KAZN: variants seen among roughly 807,000 people sequenced by gnomAD.
KAZN encodes kazrin.
A neutral mutation model predicts 87.4 loss-of-function variants in KAZN; 40 were observed. That is an observed-to-expected ratio of 0.46 (90% CI 0.36 to 0.60). The LOEUF is 0.60. Among genes scored for constraint, KAZN ranks in the 20% least tolerant of loss-of-function variants. The pLI, the probability that KAZN is intolerant of heterozygous loss-of-function variation, is 0.00. For missense variants in KAZN, 898 were observed against 1,073.9 expected (o/e 0.84, Z 2.29); for synonymous variants, 466 against 458.3 (o/e 1.02, Z -0.22).
intron 2 of KAZN, among the ~76,000 whole-genome samples, chr1:14,373,123 T>G (rs1660635671): frequency 6.6e-6 from 1 of 151,982 alleles, no homozygotes. Flanking sequence ...GAACAAGGAC[T>G]GTAAGAGGTA....
chr1:14,270,736 C>T lies in KAZN; in HGVS notation c.249+90144C>T, dbSNP rs576439607. Among the ~76,000 whole-genome samples the T allele has an allele frequency of 9.9e-5, 15 of 152,278 alleles. No individual in the cohort carries two copies. In the South Asian group the frequency reaches 3.1e-3, roughly 32 times the overall value. On this transcript the variant is annotated intron_variant, in intron 2 of 16. Coordinates refer to the KAZN transcript ENST00000636203. ...TTCAATGAGCTTATTAACTCACTCA[C>T]TCTCTACAGGGTTATTTTTCCTCCC... is the stretch of plus-strand genomic sequence containing the variant.
At chr1:14,693,222 A>T (rs926406467) in intron 1 of KAZN, among the ~76,000 whole-genome samples, 3 of 151,798 alleles carry the variant, frequency 2.0e-5, no homozygotes, top group Non-Finnish European at 2.9e-5. Context: ...CCTCCTTATC[A>T]CCTCCTTCGC....
intron 1 of KAZN, among the ~76,000 whole-genome samples, chr1:14,620,077 T>C (rs1678573416): frequency 6.6e-6 from 1 of 152,174 alleles, no homozygotes; most frequent in Non-Finnish European, 1.5e-5. Context: ...CAGTTACCCA[T>C]CTGTACAATA....
chr1:14,691,222 C>T (rs1186398881), intron 1 of KAZN, among the ~76,000 whole-genome samples: 8 of 152,078 alleles, frequency 5.3e-5, no homozygotes, highest in Admixed American at 5.2e-4. Flanking sequence ...GACTTTGCAT[C>T]TTATATTTAG....
chr1:15,078,128 T>C (rs1024223167), intron 8 of KAZN, among the ~76,000 whole-genome samples: 15 of 151,978 alleles, frequency 9.9e-5, no homozygotes, highest in African/African-American at 3.6e-4. Context: ...ACAAAATAAG[T>C]GATGTGCTGG....
intron 1 of KAZN, among the ~76,000 whole-genome samples, chr1:14,814,704 G>A (rs1028024678): frequency 2.0e-5 from 3 of 152,166 alleles, no homozygotes. Flanking sequence ...TGGGCTCCTG[G>A]TGCTTGTTAC....
chr1:14,650,460 G>T (rs1050217113), intron 1 of KAZN, among the ~76,000 whole-genome samples: 1 of 152,222 alleles, frequency 6.6e-6, no homozygotes, highest in African/African-American at 2.4e-5. Flanking sequence ...GGATGGCCTG[G>T]GCCCAGGAGT....
chr1:14,606,733 A>G (rs892915877), intron 1 of KAZN, among the ~76,000 whole-genome samples: 2 of 152,058 alleles, frequency 1.3e-5, no homozygotes, highest in African/African-American at 2.4e-5. Flanking sequence ...CCCCAGTACT[A>G]TTGACATGTG....
At chr1:15,017,119 A>T (rs564082565) in intron 2 of KAZN, among the ~76,000 whole-genome samples, 3 of 150,280 alleles carry the variant, frequency 2.0e-5, no homozygotes, top group Non-Finnish European at 4.4e-5. Context: ...CCAATATGGT[A>T]AAACCCTGTC....
intron 1 of KAZN, among the ~76,000 whole-genome samples, chr1:14,880,472 A>T (rs571247774): frequency 1.3e-5 from 2 of 152,182 alleles, no homozygotes; most frequent in African/African-American, 4.8e-5. Flanking sequence ...GAACATGCTC[A>T]TGGGTTTTGT....
intron 8 of KAZN, chr1:15,068,163 T>C (rs1639345126): frequency 1.2e-6 from 1 of 856,330 alleles, no homozygotes; most frequent in South Asian, 5.4e-5. Context: ...TCGAATTCTA[T>C]GTTATTTGAT....
intron 2 of KAZN, among the ~76,000 whole-genome samples, chr1:14,200,790 G>A (rs146604178): frequency 1.9e-3 from 294 of 151,490 alleles, no homozygotes; most frequent in Middle Eastern, 3.5e-3. Context: ...GATTCATATT[G>A]CAATCCTCTC....
At chr1:14,788,579 C>G (rs1428040007) in intron 1 of KAZN, among the ~76,000 whole-genome samples, 7 of 152,098 alleles carry the variant, frequency 4.6e-5, no homozygotes, top group Non-Finnish European at 8.8e-5. Flanking sequence ...CTACAGGCAC[C>G]TGTCTGCATG....
intron 1 of KAZN, among the ~76,000 whole-genome samples, chr1:14,607,095 G>A (rs1045460805): frequency 1.8e-4 from 28 of 152,178 alleles, no homozygotes; most frequent in African/African-American, 6.5e-4. Context: ...TAGATGGATG[G>A]ATGGGTGAAT....
chr1:14,483,073 A>G (rs1341889062), intron 2 of KAZN, among the ~76,000 whole-genome samples: 2 of 152,216 alleles, frequency 1.3e-5, no homozygotes, highest in East Asian at 3.8e-4. Context: ...GCTGACTGAC[A>G]CACACTGTAA....
intron 2 of KAZN, among the ~76,000 whole-genome samples, chr1:14,970,048 A>C (rs2101829853): frequency 6.6e-6 from 1 of 152,262 alleles, no homozygotes; most frequent in South Asian, 2.1e-4. Flanking sequence ...TCCTGACTTC[A>C]AGTGATTCAC....
intron 13 of KAZN, chr1:15,111,888 C>T (rs1170443143): frequency 6.5e-6 from 1 of 153,946 alleles, no homozygotes; most frequent in Non-Finnish European, 1.4e-5. Flanking sequence ...CTGTAGTTGG[C>T]CAAATCCTAA....
At chr1:14,239,776 ATCAT>A (rs2100572759) in intron 2 of KAZN, among the ~76,000 whole-genome samples, 1 of 152,072 alleles carries the variant, frequency 6.6e-6, no homozygotes, top group South Asian at 2.1e-4. Context: ...GGTTCTATAG[ATCAT>A]TCATTTTTAG....
chr1:14,199,334 A>G (rs1646592129), intron 2 of KAZN, among the ~76,000 whole-genome samples: 2 of 152,088 alleles, frequency 1.3e-5, no homozygotes, highest in Non-Finnish European at 2.9e-5. Context: ...ACCTTTGAAC[A>G]TGTTTCTGTG....
Sources: allele counts gnomAD v4.1 joint callset (sites outside exome capture counted in the v4.1 genomes callset), GRCh38; gene constraint gnomAD v4.1.1; transcripts MANE v1.5; gene names NCBI Gene and HGNC (gene_info 2026-07-23, HGNC 2026-07-21).